CNTNAP2: variants seen among roughly 807,000 people sequenced by gnomAD.
CNTNAP2 encodes contactin-associated protein-like 2.
CNTNAP2 carries 98 observed loss-of-function variants against 155.2 expected under a neutral mutation model. The observed-to-expected ratio is 0.63, with a 90% CI of 0.54 to 0.75. The LOEUF (loss-of-function observed/expected upper bound fraction) is 0.75. CNTNAP2 is among the 30% of genes least tolerant of loss of function. The probability of loss-of-function intolerance (pLI) is 0.00; values close to 1 mark genes in which losing one functional copy is unlikely to be tolerated. For synonymous variants in CNTNAP2, 651 were observed against 631.2 expected (o/e 1.03, Z -0.47); for missense variants, 1,727 against 1,688.1 (o/e 1.02, Z -0.40).
chr7:147,096,955 C>T (rs920878227), intron 4 of CNTNAP2, among the ~76,000 whole-genome samples: 7 of 152,152 alleles, frequency 4.6e-5, no homozygotes, highest in African/African-American at 1.7e-4. Context: ...ACATGTGTAC[C>T]TTTTGAGCTT....
At position 146,571,391 on chromosome 7, in the gene CNTNAP2, G is replaced by C. The variant is rs144250219; in HGVS notation, c.98-202880G>C. Among the ~76,000 whole-genome samples the C allele has an allele frequency of 4.8e-3, 723 of 152,094 alleles. 5 individuals carry two copies. The highest frequency in any genetic ancestry group is 0.016 in the African/African-American group (672 of 41,498). On this transcript the variant is annotated intron_variant, in intron 1 of 23. Transcript: ENST00000361727. The stretch of plus-strand genomic sequence containing the variant: ...ATGTTTTCAGATAAAAATATTTTAT[G>C]TGAAAATATTTTTATCAGAGGTCAA...
chr7:147,544,602 G>C (rs76906057), intron 11 of CNTNAP2, among the ~76,000 whole-genome samples: 1 of 151,696 alleles, frequency 6.6e-6, no homozygotes, highest in East Asian at 1.9e-4. Flanking sequence ...CTAGAAACTT[G>C]TGCCTGTGTT....
intron 9 of CNTNAP2, among the ~76,000 whole-genome samples, chr7:147,387,412 G>A (rs1332752773): frequency 6.6e-6 from 1 of 152,096 alleles, no homozygotes; most frequent in Admixed American, 6.5e-5. Flanking sequence ...TTTTTGACAG[G>A]TGTCTTACAC....
At position 147,162,956 on chromosome 7, in the gene CNTNAP2, C is replaced by G. The variant is rs1485894332; in HGVS notation, c.1348+30447C>G. On this transcript the variant is annotated intron_variant, in intron 8 of 23. Transcript: ENST00000361727. ...CATGTCTGCTCCATGTGCACTTCAT[C>G]CTGGACCAGCAGCTTCTCCAGGAGT... is the stretch of plus-strand genomic sequence containing the variant. Among the ~76,000 whole-genome samples the G allele has an allele frequency of 3.9e-5, 6 of 152,078 alleles. No homozygotes were observed. In the South Asian group the frequency reaches 6.2e-4, roughly 16 times the overall value.
intron 8 of CNTNAP2, among the ~76,000 whole-genome samples, chr7:147,235,840 T>C (rs1803792202): frequency 6.6e-6 from 1 of 152,020 alleles, no homozygotes; most frequent in Admixed American, 6.5e-5. Flanking sequence ...TCCCAGTAGA[T>C]GCCCGAGGGA....
intron 13 of CNTNAP2, among the ~76,000 whole-genome samples, chr7:147,755,544 T>C (rs367830578): frequency 3.0e-4 from 46 of 152,234 alleles, no homozygotes; most frequent in African/African-American, 1.1e-3. Context: ...TCTCAGCTAC[T>C]TGGAAGGCAG....
intron 3 of CNTNAP2, among the ~76,000 whole-genome samples, chr7:146,976,158 G>A (rs1350369129): frequency 6.6e-6 from 1 of 152,194 alleles, no homozygotes. Context: ...CAGAGGCCAG[G>A]TGTGAGGTAA....
intron 21 of CNTNAP2, among the ~76,000 whole-genome samples, chr7:148,316,054 G>A (rs1472781606): frequency 6.6e-6 from 1 of 151,914 alleles, no homozygotes. Flanking sequence ...TTCATTGTTA[G>A]GGAAGGAAAA....
intron 11 of CNTNAP2, among the ~76,000 whole-genome samples, chr7:147,494,453 CT>C (rs2116654480): frequency 9.5e-6 from 1 of 105,512 alleles, no homozygotes; most frequent in African/African-American, 4.1e-5. Flanking sequence ...ATATGTCTTT[CT>C]CTTTGAGTCT....
intron 1 of CNTNAP2, among the ~76,000 whole-genome samples, chr7:146,396,674 TG>T (rs1795632101): frequency 6.7e-6 from 1 of 149,560 alleles, no homozygotes; most frequent in African/African-American, 2.5e-5. Context: ...ATTCCTTTAT[TG>T]GGGTTCTGTT....
chr7:146,924,874 C>A (rs887508150), intron 3 of CNTNAP2, among the ~76,000 whole-genome samples: 1 of 151,986 alleles, frequency 6.6e-6, no homozygotes, highest in African/African-American at 2.4e-5. Context: ...GAAGTTTCAA[C>A]CCATAACACT....
chr7:147,135,272 C>T (rs1801455568), intron 8 of CNTNAP2, among the ~76,000 whole-genome samples: 1 of 151,656 alleles, frequency 6.6e-6, no homozygotes, highest in Non-Finnish European at 1.5e-5. Context: ...AACTCAGTAG[C>T]CTTGAATTTA....
chr7:147,228,725 T>C (rs952703470), intron 8 of CNTNAP2, among the ~76,000 whole-genome samples: 1 of 152,142 alleles, frequency 6.6e-6, no homozygotes, highest in African/African-American at 2.4e-5. Flanking sequence ...GTTACGTAGG[T>C]ATACACGTGC....
intron 3 of CNTNAP2, among the ~76,000 whole-genome samples, chr7:147,033,170 A>ATATATATATATATG (rs1563051494): frequency 4.3e-4 from 20 of 46,226 alleles, no homozygotes; most frequent in African/African-American, 1.4e-3. Flanking sequence ...GTATATATAT[A>ATATATATATATATG]TATATATATA....
At chr7:148,299,432 C>G (rs1359987318) in intron 21 of CNTNAP2, among the ~76,000 whole-genome samples, 1 of 152,172 alleles carries the variant, frequency 6.6e-6, no homozygotes, top group Non-Finnish European at 1.5e-5. Flanking sequence ...TTCTGATGAG[C>G]CAGGAAGGCT....
At chr7:147,508,248 A>G (rs1464346690) in intron 11 of CNTNAP2, among the ~76,000 whole-genome samples, 1 of 152,132 alleles carries the variant, frequency 6.6e-6, no homozygotes, top group Non-Finnish European at 1.5e-5. Context: ...TTGAAAATCA[A>G]CTTATTCTTT....
intron 1 of CNTNAP2, among the ~76,000 whole-genome samples, chr7:146,320,920 G>T (rs1800989394): frequency 6.6e-6 from 1 of 151,190 alleles, no homozygotes. Flanking sequence ...TTAAATAAAA[G>T]ATATAATATC....
chr7:146,662,810 T>C (rs1329683530), intron 1 of CNTNAP2, among the ~76,000 whole-genome samples: 2 of 152,066 alleles, frequency 1.3e-5, no homozygotes, highest in Non-Finnish European at 2.9e-5. Flanking sequence ...TAATTGAACA[T>C]TTTTTTAAAT....
chr7:148,037,117 C>T (rs920114079), intron 15 of CNTNAP2, among the ~76,000 whole-genome samples: 1 of 152,120 alleles, frequency 6.6e-6, no homozygotes, highest in Non-Finnish European at 1.5e-5. Context: ...GCTCAGAATC[C>T]AGTATTGCCC....
Sources: allele counts gnomAD v4.1 joint callset (sites outside exome capture counted in the v4.1 genomes callset), GRCh38; gene constraint gnomAD v4.1.1; transcripts MANE v1.5; gene names NCBI Gene and HGNC (gene_info 2026-07-23, HGNC 2026-07-21).